Variants in PECR observed in about 807,000 individuals in gnomAD.
PECR encodes the protein 2,4-dienoyl-CoA reductase-related protein.
PECR carries 30 observed loss-of-function variants against 35.3 expected under a neutral mutation model. The ratio of observed to expected loss-of-function variants is 0.85; its 90% confidence interval spans 0.64 to 1.15. PECR has a LOEUF of 1.15. Among genes scored for constraint, PECR ranks in the 50% most tolerant of loss-of-function variants. The pLI is 0.00. For missense variants in PECR, 392 were observed against 370.8 expected (o/e 1.06, Z -0.47); for synonymous variants, 148 against 138.9 (o/e 1.07, Z -0.46).
chr2:216,074,319 C>T (rs1695642334), intron 1 of PECR, among the ~76,000 whole-genome samples: 2 of 152,084 alleles, frequency 1.3e-5, no homozygotes, highest in Admixed American at 6.6e-5. Flanking sequence ...TGGAGGCACA[C>T]GCCTGTAATC....
intron 6 of PECR, among the ~76,000 whole-genome samples, chr2:216,046,293 C>CAT (rs1262407345): frequency 0.047 from 4,624 of 98,024 alleles, 195 homozygotes; most frequent in Middle Eastern, 0.078. Flanking sequence ...TATATACATA[C>CAT]ATATATATAT....
chr2:216,031,647 AAAAGAAAGAAAGAAAGAAAGAAAGAAAG>A (rs200929112), intron 7 of PECR, among the ~76,000 whole-genome samples: 1 of 98,072 alleles, frequency 1.0e-5, no homozygotes, highest in Non-Finnish European at 2.1e-5. Context: ...AAGGAAGAAG[AAAAGAAAGAAAGAAAGAAAGAAAGAAAG>A]AAAGAAAGAA....
intron 1 of PECR, 40 bp from the exon 2 acceptor site, chr2:216,066,558 A>G: frequency 6.3e-7 from 1 of 1,592,536 alleles, no homozygotes. Flanking sequence ...ATATGCCTTC[A>G]TGGGATGCAA....
chr2:216,062,510 T>C (rs1414323456), intron 3 of PECR, among the ~76,000 whole-genome samples: 1 of 152,182 alleles, frequency 6.6e-6, no homozygotes, highest in Admixed American at 6.5e-5. Context: ...ACCAATAATT[T>C]ATATGTGGAT....
At chr2:216,061,140 A>G (rs1016602580) in intron 3 of PECR, among the ~76,000 whole-genome samples, 2 of 147,772 alleles carry the variant, frequency 1.4e-5, no homozygotes, top group Non-Finnish European at 3.0e-5. Context: ...AAAAAAAAAA[A>G]AAAAAAAAAA....
intron 6 of PECR, among the ~76,000 whole-genome samples, chr2:216,045,438 AG>A (rs1019714097): frequency 6.6e-6 from 1 of 152,244 alleles, no homozygotes; most frequent in African/African-American, 2.4e-5. Context: ...GGATGCTCCG[AG>A]GGATGAAGAA....
intron 4 of PECR, among the ~76,000 whole-genome samples, chr2:216,054,224 T>C (rs1334171407): frequency 6.7e-6 from 1 of 150,360 alleles, no homozygotes; most frequent in Non-Finnish European, 1.5e-5. Context: ...GAGGTGGAGG[T>C]TGCAGTGAGC....
Position 216,077,364 on chromosome 2 carries a change from G to A in PECR, c.124+4254C>T, listed in dbSNP as rs559373796. On this transcript the variant is annotated intron_variant, in intron 1 of 7. Transcript: ENST00000265322. The stretch of plus-strand genomic sequence containing the variant: ...CTACTAAAAATACAAAAACTTAGCC[G>A]GGTGTGGTGGTGGGTGCCTGTAGTC... 1.6e-3 allele frequency among the ~76,000 whole-genome samples: 247 copies of A among 151,812 alleles called. 3 individuals are homozygous for A. Among genetic ancestry groups the A allele is most frequent in the African/African-American group, 5.6e-3 (230 of 41,400 alleles).
chr2:216,048,327 G>A (rs915688467), intron 6 of PECR, among the ~76,000 whole-genome samples: 7 of 149,554 alleles, frequency 4.7e-5, no homozygotes, highest in East Asian at 2.0e-4. Flanking sequence ...CGCCTGCCTC[G>A]GCCTCCCAAA....
chr2:216,044,763 T>C (rs960986192), intron 6 of PECR, among the ~76,000 whole-genome samples: 24 of 152,116 alleles, frequency 1.6e-4, no homozygotes, highest in African/African-American at 5.3e-4. Flanking sequence ...AAAATTCAAA[T>C]AGGGAACTGA....
chr2:216,066,395 T>C lies in PECR; in HGVS notation c.248A>G (p.Asn83Ser). 6.2e-7 allele frequency: 1 copy of C among 1,613,184 alleles called. No homozygotes were observed. The highest frequency in any genetic ancestry group is 8.5e-7 in the Non-Finnish European group (1 of 1,179,106). The change falls in exon 2 of 8, where the codon AAT becomes AGT. Residue 83 changes from asparagine to serine, a missense_variant. Coordinates refer to ENST00000265322, the MANE Select transcript of PECR (RefSeq NM_018441.6). ...ATATATCTCCATTACCTCCTCCTCA[T>C]TCCGGATGTTGCATTGTATGGGAAT... ...RVIPIQCNIR[N>S]EEEVNNLVKS...
chr2:216,029,169 GGCA>G (rs1403264906), intron 7 of PECR, among the ~76,000 whole-genome samples: 1 of 152,192 alleles, frequency 6.6e-6, no homozygotes, highest in African/African-American at 2.4e-5. Flanking sequence ...GCAGCTTGAT[GGCA>G]GCAGATGTAA....
chr2:216,032,469 C>G (rs1383819547), intron 7 of PECR, among the ~76,000 whole-genome samples: 2 of 152,208 alleles, frequency 1.3e-5, no homozygotes, highest in Non-Finnish European at 2.9e-5. Flanking sequence ...TTGGCTTATG[C>G]TAGAGCTGAC....
intron 4 of PECR, among the ~76,000 whole-genome samples, chr2:216,055,115 A>G (rs1031375637): frequency 6.3e-5 from 9 of 142,924 alleles, no homozygotes; most frequent in African/African-American, 2.3e-4. Context: ...GTGTCTTACA[A>G]AAAAAAAAAA....
At chr2:216,053,023 TTTG>T (rs1695148828) in intron 4 of PECR, among the ~76,000 whole-genome samples, 1 of 151,722 alleles carries the variant, frequency 6.6e-6, no homozygotes, top group Admixed American at 6.6e-5. Flanking sequence ...CTGGCTAATT[TTTG>T]TATTTTTAGT....
intron 1 of PECR, among the ~76,000 whole-genome samples, chr2:216,070,632 T>C (rs1188104411): frequency 6.6e-6 from 1 of 152,160 alleles, no homozygotes; most frequent in African/African-American, 2.4e-5. Flanking sequence ...AAAGAAACTG[T>C]TTTAAAGGAA....
chr2:216,065,152 C>A, intron 3 of PECR, 160 bp downstream of exon 3: 1 of 680,956 alleles, frequency 1.5e-6, no homozygotes, highest in South Asian at 1.6e-5. Flanking sequence ...ATAAATATTG[C>A]CAAATTACTA....
chr2:216,077,736 G>T (rs1227260823), intron 1 of PECR, among the ~76,000 whole-genome samples: 1 of 151,104 alleles, frequency 6.6e-6, no homozygotes, highest in Non-Finnish European at 1.5e-5. Context: ...GAACCTGGGA[G>T]GCAGAGGTTG....
chr2:216,051,881 A>G (rs2105951041), intron 4 of PECR, among the ~76,000 whole-genome samples: 1 of 152,292 alleles, frequency 6.6e-6, no homozygotes, highest in Middle Eastern at 3.4e-3. Flanking sequence ...GTTATTTTTA[A>G]CATCGATTTT....
Sources: allele counts gnomAD v4.1 joint callset (sites outside exome capture counted in the v4.1 genomes callset), GRCh38; gene constraint gnomAD v4.1.1; transcripts MANE v1.5; gene names NCBI Gene and HGNC (gene_info 2026-07-23, HGNC 2026-07-21).